The following FOXP1 variants were observed in gnomAD, a reference collection of about 807,000 sequenced individuals.
The protein encoded by FOXP1 is forkhead box protein P1.
In FOXP1, 15 loss-of-function variants were observed where a neutral mutation model predicts 98.2. That is an observed-to-expected ratio of 0.15 (90% CI 0.10 to 0.24). FOXP1 has a LOEUF of 0.24. Ranked by LOEUF, FOXP1 falls within the 10% of genes least tolerant of loss-of-function variation. FOXP1 has a pLI of 1.00. For synonymous variants in FOXP1, 371 were observed against 314.5 expected (o/e 1.18, Z -1.90); for missense variants, 633 against 848.5 (o/e 0.75, Z 3.15).
chr3:71,083,268 G>A (rs1286580142), intron 7 of FOXP1, among the ~76,000 whole-genome samples: 1 of 152,020 alleles, frequency 6.6e-6, no homozygotes, highest in African/African-American at 2.4e-5. Flanking sequence ...TCTCACTCCT[G>A]CTCTTGCCAT....
chr3:71,219,095 A>C (rs1329108783), intron 5 of FOXP1, among the ~76,000 whole-genome samples: 1 of 152,148 alleles, frequency 6.6e-6, no homozygotes, highest in Non-Finnish European at 1.5e-5. Context: ...CTTCTCTTTT[A>C]TTTCCCATCT....
At chr3:71,578,662 A>AT (rs2047912909) in intron 2 of FOXP1, among the ~76,000 whole-genome samples, 2 of 152,200 alleles carry the variant, frequency 1.3e-5, no homozygotes. Flanking sequence ...CTCTTTCTTA[A>AT]TTTTGGCACT....
At chr3:71,331,358 C>A (rs1317220669) in intron 4 of FOXP1, among the ~76,000 whole-genome samples, 2 of 152,170 alleles carry the variant, frequency 1.3e-5, no homozygotes, top group African/African-American at 4.8e-5. Context: ...GCCTTCCATG[C>A]CTGAGCCTCC....
intron 3 of FOXP1, among the ~76,000 whole-genome samples, chr3:71,407,992 GTCCTTTTCT>G (rs1484392362): frequency 6.6e-6 from 1 of 152,100 alleles, no homozygotes; most frequent in Non-Finnish European, 1.5e-5. Flanking sequence ...CTTGATCACT[GTCCTTTTCT>G]TCCTCGTCAG....
chr3:70,999,274 G>C (rs1161816190), intron 13 of FOXP1, among the ~76,000 whole-genome samples: 1 of 152,052 alleles, frequency 6.6e-6, no homozygotes, highest in Non-Finnish European at 1.5e-5. Context: ...ATTTTTAGTA[G>C]AGACGGGGTT....
chr3:71,456,383 G>T (rs369733361), intron 3 of FOXP1, among the ~76,000 whole-genome samples: 242 of 152,296 alleles, frequency 1.6e-3, no homozygotes, highest in African/African-American at 5.6e-3. Context: ...GATGGAAGGT[G>T]CCGGGTTTTC....
At chr3:71,505,862 A>G (rs1307677555) in intron 2 of FOXP1, among the ~76,000 whole-genome samples, 3 of 152,156 alleles carry the variant, frequency 2.0e-5, no homozygotes, top group Admixed American at 6.5e-5. Flanking sequence ...ACTAAAGTCT[A>G]AAGGATGAGA....
At chr3:71,492,435 T>C (rs1314704127) in intron 3 of FOXP1, among the ~76,000 whole-genome samples, 1 of 147,888 alleles carries the variant, frequency 6.8e-6, no homozygotes, top group Non-Finnish European at 1.5e-5. Flanking sequence ...CTGGAACAAT[T>C]GGGAAACTCC....
intron 5 of FOXP1, among the ~76,000 whole-genome samples, chr3:71,267,581 A>C (rs1275709035): frequency 6.6e-6 from 1 of 152,262 alleles, no homozygotes; most frequent in African/African-American, 2.4e-5. Flanking sequence ...GGAGCTAAAA[A>C]TGCAAGAATA....
intron 17 of FOXP1, among the ~76,000 whole-genome samples, chr3:70,974,333 C>G (rs1184282802): frequency 6.6e-6 from 1 of 151,672 alleles, no homozygotes; most frequent in East Asian, 1.9e-4. Context: ...AGGTCTTGCT[C>G]TGTTGCCTGA....
At chr3:71,260,066 C>T (rs1019319326) in intron 5 of FOXP1, among the ~76,000 whole-genome samples, 4 of 152,228 alleles carry the variant, frequency 2.6e-5, no homozygotes, top group African/African-American at 9.6e-5. Context: ...TCACTGCAAG[C>T]TCCGCCTCCC....
In FOXP1 at chr3:71,581,663, CCG is replaced by C; in HGVS notation, c.-414_-413del. 1 of 985,950 alleles carries C rather than the reference CCG, an allele frequency of 1.0e-6. No homozygotes were observed. The highest frequency in any genetic ancestry group is 1.2e-6 in the Non-Finnish European group (1 of 830,128). The allele number at this position is 985,950 out of a possible 1,614,324, so 61.1% of individuals were successfully genotyped here. ...TGCCCCCGGCCCGCTCGCTCGCTCG[CCG>C]CGCGCTCTCTTCCTCTTACAAACTT... On this transcript the variant is annotated 5_prime_UTR_variant, in exon 2 of 21. Transcript: ENST00000649528.
intron 5 of FOXP1, among the ~76,000 whole-genome samples, chr3:71,285,591 T>G (rs142828043): frequency 0.01 from 1,524 of 152,308 alleles, 30 homozygotes; most frequent in African/African-American, 0.034. Context: ...TCCCTTAACA[T>G]AGCTTAGAGA....
intron 4 of FOXP1, among the ~76,000 whole-genome samples, chr3:71,336,837 G>A (rs948783535): frequency 6.6e-6 from 1 of 152,176 alleles, no homozygotes; most frequent in Non-Finnish European, 1.5e-5. Flanking sequence ...GATCAAACAT[G>A]AGCCTCTGGA....
intron 4 of FOXP1, among the ~76,000 whole-genome samples, chr3:71,310,703 T>G (rs1171413447): frequency 6.6e-6 from 1 of 152,234 alleles, no homozygotes; most frequent in Non-Finnish European, 1.5e-5. Context: ...CAGAGTCCCC[T>G]GGTTTGGACA....
chr3:71,391,235 T>C (rs1317185015), intron 3 of FOXP1, among the ~76,000 whole-genome samples: 2 of 152,210 alleles, frequency 1.3e-5, no homozygotes, highest in Non-Finnish European at 2.9e-5. Flanking sequence ...CTTCCTCCAG[T>C]TTAAATTTAG....
At chr3:71,070,519 A>G (rs1054870371) in intron 7 of FOXP1, among the ~76,000 whole-genome samples, 1 of 152,220 alleles carries the variant, frequency 6.6e-6, no homozygotes, top group Non-Finnish European at 1.5e-5. Context: ...AAAAAACGGA[A>G]GAGAAAAAGC....
At chr3:71,145,970 T>A (rs2108029989) in intron 6 of FOXP1, among the ~76,000 whole-genome samples, 1 of 152,328 alleles carries the variant, frequency 6.6e-6, no homozygotes, top group East Asian at 1.9e-4. Flanking sequence ...GTATCTGCAC[T>A]TTTGAAAGTT....
chr3:71,131,031 A>G (rs1409101124), intron 6 of FOXP1: 1 of 523,374 alleles, frequency 1.9e-6, no homozygotes, highest in Non-Finnish European at 2.5e-6. Flanking sequence ...TGACATTTAC[A>G]TAGGCAGGAT....
Sources: gnomAD v4.1 joint callset for allele counts (sites outside exome capture counted in the v4.1 genomes callset) on GRCh38, gnomAD v4.1.1 for gene constraint, MANE v1.5 for transcripts, NCBI Gene and HGNC (gene_info 2026-07-23, HGNC 2026-07-21) for gene names.